ROR1: variants seen among roughly 807,000 people sequenced by gnomAD.
The protein encoded by ROR1 is ROR family WNT receptor 1.
A neutral mutation model predicts 78.8 loss-of-function variants in ROR1; 19 were observed. The observed-to-expected ratio is 0.24, with a 90% confidence interval of 0.17 to 0.35. The LOEUF (loss-of-function observed/expected upper bound fraction) is 0.35. ROR1 is among the 10% of genes least tolerant of loss of function. ROR1 has a pLI of 1.00. For missense variants in ROR1, 917 were observed against 1,177.8 expected, an observed-to-expected ratio of 0.78 and a Z score of 3.24; for synonymous variants, 386 against 433.6, an observed-to-expected ratio of 0.89 and a Z score of 1.36.
At chr1:63,798,635 A>G (rs1644777214) in intron 1 of ROR1, among the ~76,000 whole-genome samples, 1 of 152,178 alleles carries the variant, frequency 6.6e-6, no homozygotes, top group South Asian at 2.1e-4. Context: ...CCCAGCCCTG[A>G]TCACACATAG....
chr1:63,904,041 T>C (rs1433444097), intron 1 of ROR1, among the ~76,000 whole-genome samples: 2 of 151,950 alleles, frequency 1.3e-5, no homozygotes, highest in Non-Finnish European at 2.9e-5. Flanking sequence ...TTTCTAGACA[T>C]TGATAGAAGA....
intron 4 of ROR1, among the ~76,000 whole-genome samples, chr1:64,130,497 A>G (rs1161476090): frequency 6.6e-6 from 1 of 152,026 alleles, no homozygotes; most frequent in Admixed American, 6.6e-5. Flanking sequence ...CTCCCCAGCC[A>G]TCCCTTTCCT....
intron 1 of ROR1, among the ~76,000 whole-genome samples, chr1:63,793,160 A>G (rs549183868): frequency 1.3e-4 from 20 of 152,314 alleles, no homozygotes; most frequent in Non-Finnish European, 1.6e-4. Flanking sequence ...ATTAGGCGAG[A>G]TGGGTATTAT....
chr1:64,117,382 T>A (rs547540734), intron 4 of ROR1, among the ~76,000 whole-genome samples: 89 of 152,342 alleles, frequency 5.8e-4, no homozygotes, highest in Non-Finnish European at 1.2e-3. Context: ...TGTAATGTTA[T>A]TCATTGCTTC....
At chr1:64,035,179 G>A (rs866384588) in intron 2 of ROR1, among the ~76,000 whole-genome samples, 3 of 152,190 alleles carry the variant, frequency 2.0e-5, no homozygotes, top group Non-Finnish European at 4.4e-5. Flanking sequence ...ATGTTTGTGA[G>A]ATCATCCTAA....
At chr1:63,820,973 A>G (rs1644919875) in intron 1 of ROR1, among the ~76,000 whole-genome samples, 1 of 152,150 alleles carries the variant, frequency 6.6e-6, no homozygotes, top group African/African-American at 2.4e-5. Flanking sequence ...TCTCTGTTAC[A>G]GGCTTCTCTT....
In ROR1 at chr1:63,904,807, A is replaced by G. The variant is rs189572375; in HGVS notation, c.92-104498A>G. Among the ~76,000 whole-genome samples, 238 of 152,298 alleles carry G rather than the reference A, an allele frequency of 1.6e-3. 2 individuals are homozygous for G. The highest frequency in any genetic ancestry group is 5.5e-3 in the African/African-American group (230 of 41,574). On this transcript the variant is annotated intron_variant, in intron 1 of 8. Coordinates refer to ENST00000371079, the MANE Select transcript of ROR1 (RefSeq NM_005012.4). ...CAGCCATCTGTAAGCCAAGGAGGGA[A>G]GCTTCAGAGGAGGCCAACCTGCTGA...
At chr1:63,892,301 G>A (rs1030397152) in intron 1 of ROR1, among the ~76,000 whole-genome samples, 1 of 152,140 alleles carries the variant, frequency 6.6e-6, no homozygotes, top group Admixed American at 6.6e-5. Context: ...GGAGGGCAGA[G>A]GAGGCTCTGA....
At chr1:64,076,913 T>C (rs1247546971) in intron 4 of ROR1, among the ~76,000 whole-genome samples, 1 of 152,168 alleles carries the variant, frequency 6.6e-6, no homozygotes, top group African/African-American at 2.4e-5. Context: ...TATTAGTTAA[T>C]TGAGATTATT....
In ROR1 at chr1:64,178,101, G is replaced by A. The variant is rs753836146; in HGVS notation, c.2060G>A (p.Ser687Asn). 6.2e-7 allele frequency: 1 copy of A among 1,614,024 alleles called. No individual in the cohort carries two copies. The highest frequency in any genetic ancestry group is 8.5e-7 in the Non-Finnish European group (1 of 1,180,022). The change falls in exon 9 of 9, where the codon AGT becomes AAT. Residue 687 changes from serine (S) to asparagine (N), a missense_variant. Physicochemically the swap from Ser to Asn is conservative, Grantham distance 46. Around this residue, in one of 3 missense-constraint regions of ROR1, gnomAD observed 835 missense variants for 1,069.8 expected, o/e 0.78. Coordinates refer to ENST00000371079, the MANE Select transcript of ROR1 (RefSeq NM_005012.4). This position sits in a 1 kb window ranked among gnomAD's most constrained non-coding sequence, Gnocchi z 4.3. The part of the protein sequence containing the change: ...SFGVVLWEIF[S>N]FGLQPYYGFS... Reference sequence around the variant, plus strand: ...GGGGTTGTCTTGTGGGAGATTTTCAGTTTTGGACTCCAGCCATATTATGGA... The same window carrying A: ...GGGGTTGTCTTGTGGGAGATTTTCAATTTTGGACTCCAGCCATATTATGGA...
intron 1 of ROR1, among the ~76,000 whole-genome samples, chr1:63,866,224 G>A (rs896596282): frequency 4.6e-5 from 7 of 151,932 alleles, no homozygotes; most frequent in Admixed American, 1.3e-4. Flanking sequence ...AATTCTTCAC[G>A]TCTGGCCTGG....
intron 1 of ROR1, among the ~76,000 whole-genome samples, chr1:63,834,849 T>A (rs1645010678): frequency 6.6e-6 from 1 of 152,078 alleles, no homozygotes; most frequent in South Asian, 2.1e-4. Flanking sequence ...AAGGAATTGG[T>A]CTGCACTGCC....
intron 4 of ROR1, among the ~76,000 whole-genome samples, chr1:64,113,394 T>C (rs1478351181): frequency 6.6e-6 from 1 of 152,204 alleles, no homozygotes; most frequent in African/African-American, 2.4e-5. Flanking sequence ...ACCATCCCTA[T>C]ATTCTGCAGT....
intron 4 of ROR1, among the ~76,000 whole-genome samples, chr1:64,069,301 G>A (rs2100615542): frequency 6.6e-6 from 1 of 152,196 alleles, no homozygotes; most frequent in Non-Finnish European, 1.5e-5. Context: ...GAAATTTGTG[G>A]CATATCTTCT....
In ROR1 at chr1:63,774,371, C is replaced by T; in HGVS notation, c.-47C>T. ...CCGGGAAGAGCCCGTGGATGTTCTG[C>T]GCGCGGCCTGGGAGCCGCCGCCGCC... On this transcript the variant is annotated 5_prime_UTR_variant, in exon 1 of 9. Transcript: ENST00000371079. The surrounding 1 kb of genome is among the most constrained non-coding windows in gnomAD (Gnocchi z 5.7). 1 of 1,207,448 alleles carries T rather than the reference C, an allele frequency of 8.3e-7. No homozygotes were observed. The allele number at this position is 1,207,448 out of a possible 1,614,324, so 74.8% of individuals were successfully genotyped here.
intron 1 of ROR1, among the ~76,000 whole-genome samples, chr1:64,008,890 C>T (rs1646452317): frequency 6.6e-6 from 1 of 152,126 alleles, no homozygotes; most frequent in South Asian, 2.1e-4. Context: ...GCCTCGGCCT[C>T]CCAAAGTGCT....
chr1:63,911,578 C>T (rs531911174), intron 1 of ROR1, among the ~76,000 whole-genome samples: 1 of 149,134 alleles, frequency 6.7e-6, no homozygotes, highest in East Asian at 2.1e-4. Context: ...CCGAAACCAT[C>T]CCCCCCACCC....
intron 1 of ROR1, among the ~76,000 whole-genome samples, chr1:63,839,843 G>A (rs1363190806): frequency 4.0e-5 from 6 of 151,644 alleles, no homozygotes; most frequent in East Asian, 1.9e-4. Flanking sequence ...TCAGTGATTG[G>A]ATATTTAGGG....
chr1:64,115,748 G>A (rs1212923397), intron 4 of ROR1, among the ~76,000 whole-genome samples: 1 of 152,054 alleles, frequency 6.6e-6, no homozygotes, highest in Non-Finnish European at 1.5e-5. Flanking sequence ...TGTAAACAGA[G>A]GGTGGCAGCA....
Sources: gnomAD v4.1 joint callset for allele counts (sites outside exome capture counted in the v4.1 genomes callset) on GRCh38, gnomAD v4.1.1 for gene constraint, gnomAD v4.1.1 regional missense constraint, Gnocchi (gnomAD v3.1) non-coding constraint, MANE v1.5 for transcripts, NCBI Gene and HGNC (gene_info 2026-07-23, HGNC 2026-07-21) for gene names.